SCMH1: variants seen among roughly 807,000 people sequenced by gnomAD.
SCMH1 encodes Scm polycomb group protein homolog 1.
A neutral mutation model predicts 70.8 loss-of-function variants in SCMH1; 37 were observed. That is an observed-to-expected ratio of 0.52 (90% CI 0.40 to 0.69). The LOEUF is 0.69. SCMH1 is among the 30% of genes least tolerant of loss of function. The pLI, the probability that SCMH1 is intolerant of heterozygous loss-of-function variation, is 0.00. For missense variants in SCMH1, 607 were observed against 827.3 expected (o/e 0.73, Z 3.27); for synonymous variants, 292 against 307.4 (o/e 0.95, Z 0.52).
chr1:41,067,565 C>T (rs1655088741), intron 10 of SCMH1, among the ~76,000 whole-genome samples: 1 of 150,934 alleles, frequency 6.6e-6, no homozygotes, highest in Admixed American at 6.6e-5. Flanking sequence ...AGGTGGCATA[C>T]TGTATGATTT....
In SCMH1 at chr1:41,113,062, T is replaced by C. The variant is rs1430367640; in HGVS notation, c.745+221A>G. The stretch of plus-strand genomic sequence containing the variant: ...CCAGGATATGTAGAGCAAAGAATTA[T>C]TACTTTATCCCAAATGCCATATGCG... On this transcript the variant is annotated intron_variant, in intron 8 of 14. Coordinates refer to ENST00000337495, the Ensembl canonical transcript of SCMH1. The surrounding 1 kb of genome is among the most constrained non-coding windows in gnomAD (Gnocchi z 4.3). Among the ~76,000 whole-genome samples the C allele has an allele frequency of 1.3e-5, 2 of 152,182 alleles. No individual in the cohort carries two copies. The highest frequency in any genetic ancestry group is 3.9e-4 in the East Asian group (2 of 5,190).
chr1:41,059,296 C>G (rs1651721871), intron 10 of SCMH1, among the ~76,000 whole-genome samples: 1 of 152,196 alleles, frequency 6.6e-6, no homozygotes, highest in Non-Finnish European at 1.5e-5. Context: ...CCAAATGTTG[C>G]CTTTTGGCCT....
chr1:41,101,299 C>T lies in SCMH1; in HGVS notation c.745+11984G>A, dbSNP rs187322028. Among the ~76,000 whole-genome samples the T allele has an allele frequency of 9.2e-5, 14 of 152,280 alleles. No individual in the cohort carries two copies. The East Asian group carries it at 1.9e-3, about 21-fold the overall frequency. ...TCTGCCTGTGGGAGCATTTAAGTAA[C>T]AGCAAATAAGCATTTATAGGGATGG... On this transcript the variant is annotated intron_variant, in intron 8 of 14. Coordinates refer to ENST00000337495, the Ensembl canonical transcript of SCMH1.
At chr1:41,154,275 A>G (rs1645323945) in intron 4 of SCMH1, among the ~76,000 whole-genome samples, 1 of 152,222 alleles carries the variant, frequency 6.6e-6, no homozygotes, top group Non-Finnish European at 1.5e-5. Context: ...AAGGCTCCCT[A>G]GGTAATTTGG....
intron 13 of SCMH1, 92 bp from the exon 14 acceptor site, chr1:41,034,140 C>T (rs1462066122): frequency 2.6e-6 from 4 of 1,514,492 alleles, no homozygotes; most frequent in African/African-American, 1.4e-5. Flanking sequence ...AGATGACTGA[C>T]TCAAGTCTCA....
At chr1:41,085,149 T>TA (rs1661248795) in intron 8 of SCMH1, among the ~76,000 whole-genome samples, 1 of 149,842 alleles carries the variant, frequency 6.7e-6, no homozygotes, top group Non-Finnish European at 1.5e-5. Context: ...TAAAATAAAA[T>TA]AAAAAACAAG....
rs148952460 is a variant in SCMH1, at chr1:41,232,196, C to T, written c.-118+9863G>A. On this transcript the variant is annotated intron_variant, in intron 1 of 14. Transcript: ENST00000337495. ...GAGGGAAGAAACCCTATCTTATTCT[C>T]ACCTTTTTATCCTTAGTATGTAGCT... Among the ~76,000 whole-genome samples, 1,312 of 152,234 alleles carry T rather than the reference C, an allele frequency of 8.6e-3. 19 individuals are homozygous for T. The highest frequency in any genetic ancestry group is 0.029 in the African/African-American group (1,190 of 41,546).
At chr1:41,045,016 C>A (rs187337172) in intron 12 of SCMH1, among the ~76,000 whole-genome samples, 2 of 152,326 alleles carry the variant, frequency 1.3e-5, no homozygotes, top group Admixed American at 1.3e-4. Flanking sequence ...TGCTAACCCC[C>A]ATTCATGCAT....
At chr1:41,086,364 T>G (rs1558751561) in intron 8 of SCMH1, among the ~76,000 whole-genome samples, 1 of 151,982 alleles carries the variant, frequency 6.6e-6, no homozygotes, top group Non-Finnish European at 1.5e-5. Flanking sequence ...GGAACAAAGT[T>G]AACAGGAAAT....
At chr1:41,216,480 T>C (rs1029230229) in intron 1 of SCMH1, among the ~76,000 whole-genome samples, 2 of 152,186 alleles carry the variant, frequency 1.3e-5, no homozygotes, top group East Asian at 1.9e-4. Flanking sequence ...TTACAAGAAT[T>C]TGCATGAGGA....
chr1:41,195,750 A>G (rs1652874154), intron 1 of SCMH1, among the ~76,000 whole-genome samples: 1 of 152,202 alleles, frequency 6.6e-6, no homozygotes, highest in African/African-American at 2.4e-5. Flanking sequence ...AAAGGCATTC[A>G]GATTTGAAAG....
At chr1:41,100,461 G>T (rs868330582) in intron 8 of SCMH1, among the ~76,000 whole-genome samples, 1 of 152,018 alleles carries the variant, frequency 6.6e-6, no homozygotes, top group South Asian at 2.1e-4. Context: ...TAGACAAGGA[G>T]TAACGTAAAG....
chr1:41,031,736 G>C (rs550232395), intron 13 of SCMH1, among the ~76,000 whole-genome samples: 1 of 152,322 alleles, frequency 6.6e-6, no homozygotes, highest in South Asian at 2.1e-4. Flanking sequence ...TATGGGGAGA[G>C]AGTGTATATG....
chr1:41,241,529 T>C (rs1380401045), intron 1 of SCMH1, among the ~76,000 whole-genome samples: 1 of 151,866 alleles, frequency 6.6e-6, no homozygotes, highest in Non-Finnish European at 1.5e-5. Context: ...CGTCGACCTC[T>C]GTCTCTGCCT....
chr1:41,142,238 TCC>T (rs1644160997), intron 6 of SCMH1, among the ~76,000 whole-genome samples: 1 of 152,068 alleles, frequency 6.6e-6, no homozygotes, highest in South Asian at 2.1e-4. Flanking sequence ...ATAGTCAAAG[TCC>T]ATAATCTAAC....
intron 1 of SCMH1, among the ~76,000 whole-genome samples, chr1:41,192,774 C>T (rs541017868): frequency 6.6e-6 from 1 of 152,176 alleles, no homozygotes; most frequent in Non-Finnish European, 1.5e-5. Flanking sequence ...AGCTTTCTTA[C>T]CTAGCATACC....
chr1:41,189,927 C>CT (rs1651262000), intron 1 of SCMH1, among the ~76,000 whole-genome samples: 1 of 152,202 alleles, frequency 6.6e-6, no homozygotes, highest in South Asian at 2.1e-4. Context: ...TTTTGGAATG[C>CT]TTCTGGCTCA....
intron 13 of SCMH1, among the ~76,000 whole-genome samples, chr1:41,034,579 G>C (rs111687576): frequency 6.6e-6 from 1 of 151,936 alleles, no homozygotes; most frequent in Non-Finnish European, 1.5e-5. Context: ...CACCCTCCTC[G>C]GCCTCCCAAA....
chr1:41,154,964 TAAAC>T (rs1261076473), intron 4 of SCMH1, among the ~76,000 whole-genome samples: 1 of 151,962 alleles, frequency 6.6e-6, no homozygotes, highest in Admixed American at 6.6e-5. Flanking sequence ...AAACAATAAA[TAAAC>T]AAGGCAGTAA....
Sources: gnomAD v4.1 joint callset for allele counts (sites outside exome capture counted in the v4.1 genomes callset) on GRCh38, gnomAD v4.1.1 for gene constraint, Gnocchi (gnomAD v3.1) non-coding constraint, MANE v1.5 for transcripts, NCBI Gene and HGNC (gene_info 2026-07-23, HGNC 2026-07-21) for gene names.